Variants in NFIC observed in about 807,000 individuals in gnomAD.
NFIC encodes the protein nuclear factor 1 C-type.
In NFIC, 12 loss-of-function variants were observed where a neutral mutation model predicts 54.4. The observed-to-expected ratio is 0.22, with a 90% CI of 0.14 to 0.36. The LOEUF (loss-of-function observed/expected upper bound fraction) is 0.36. NFIC is among the 10% of genes least tolerant of loss of function. The pLI is 1.00. For synonymous variants in NFIC, 322 were observed against 319.2 expected (o/e 1.01, Z -0.09); for missense variants, 575 against 718.2 (o/e 0.80, Z 2.28).
intron 3 of NFIC, 147 bp from the exon 4 acceptor site, chr19:3,433,371 C>G (rs1438150413): frequency 1.3e-5 from 10 of 761,604 alleles, no homozygotes; most frequent in Non-Finnish European, 2.2e-5. Flanking sequence ...CCCCATCAGA[C>G]TGGAGCTGTC....
At chr19:3,426,812 T>TG (rs1164824938) in intron 3 of NFIC, among the ~76,000 whole-genome samples, 5 of 152,108 alleles carry the variant, frequency 3.3e-5, no homozygotes, top group African/African-American at 2.4e-5. Flanking sequence ...AACAGCCAAC[T>TG]AACTGCTCGC....
intron 3 of NFIC, among the ~76,000 whole-genome samples, chr19:3,427,921 G>C (rs1486600695): frequency 6.6e-6 from 1 of 152,018 alleles, no homozygotes; most frequent in East Asian, 1.9e-4. Flanking sequence ...TGTAATCCCA[G>C]CACTTTGGGG....
chr19:3,430,239 CCTTT>C (rs961127409), intron 3 of NFIC, among the ~76,000 whole-genome samples: 9 of 151,098 alleles, frequency 6.0e-5, no homozygotes, highest in Middle Eastern at 3.2e-3. Flanking sequence ...AATTCCAGAA[CCTTT>C]CTTTTTTTTT....
At chr19:3,374,994 G>C (rs1030246298) in intron 1 of NFIC, among the ~76,000 whole-genome samples, 7 of 151,884 alleles carry the variant, frequency 4.6e-5, no homozygotes, top group Non-Finnish European at 1.0e-4. Flanking sequence ...ACCTGTCCCC[G>C]GAAAGGGCAC....
chr19:3,424,996 C>T, intron 2 of NFIC, 110 bp from the exon 3 acceptor site: 2 of 1,126,020 alleles, frequency 1.8e-6, no homozygotes, highest in Admixed American at 2.3e-5. Context: ...CACTGTTTGT[C>T]TCCATAGCAC....
At chr19:3,450,497 A>G (rs1191396059) in intron 7 of NFIC, among the ~76,000 whole-genome samples, 2 of 151,674 alleles carry the variant, frequency 1.3e-5, no homozygotes, top group Non-Finnish European at 2.9e-5. Context: ...TTCTACTAAA[A>G]TACAAAAATT....
At chr19:3,460,601 C>T (rs1198259475) in intron 10 of NFIC, among the ~76,000 whole-genome samples, 1 of 152,112 alleles carries the variant, frequency 6.6e-6, no homozygotes, top group Non-Finnish European at 1.5e-5. Context: ...ACAACCTCCG[C>T]CCCCTGGATT....
intron 2 of NFIC, among the ~76,000 whole-genome samples, chr19:3,413,793 C>T (rs35420062): frequency 0.012 from 1,804 of 152,110 alleles, 19 homozygotes; most frequent in Non-Finnish European, 0.022. Flanking sequence ...CGCACCACCA[C>T]GCCAGGCTAG....
At chr19:3,461,922 C>T (rs1337058273) in intron 10 of NFIC, among the ~76,000 whole-genome samples, 9 of 150,554 alleles carry the variant, frequency 6.0e-5, no homozygotes, top group African/African-American at 2.2e-4. Context: ...AGTGTGGTGG[C>T]ATGCGCCTGT....
intron 1 of NFIC, among the ~76,000 whole-genome samples, chr19:3,372,741 G>C (rs1271634320): frequency 6.6e-6 from 1 of 150,546 alleles, no homozygotes; most frequent in Non-Finnish European, 1.5e-5. Context: ...CCAGGGACCA[G>C]TCCCAGCTCA....
intron 3 of NFIC, among the ~76,000 whole-genome samples, chr19:3,425,962 T>C (rs1351830733): frequency 8.8e-6 from 1 of 114,084 alleles, no homozygotes; most frequent in African/African-American, 3.4e-5. Context: ...TGAGATGGAG[T>C]ATCACTCTGT....
rs1396171934 is a variant in NFIC at position 3,375,776 on chromosome 19, C to T, written c.31-5936C>T. 6.6e-6 allele frequency among the ~76,000 whole-genome samples: 1 copy of T among 152,138 alleles called. No individual in the cohort carries two copies. Among genetic ancestry groups the T allele is most frequent in the Admixed American group, 6.6e-5 (1 of 15,266 alleles). On this transcript the variant is annotated intron_variant, in intron 1 of 10. Coordinates refer to ENST00000443272, the MANE Select transcript of NFIC (RefSeq NM_001245002.2). The surrounding 1 kb of genome is among the most constrained non-coding windows in gnomAD (Gnocchi z 4.6). ...GAAGCACCCCACGGCCGGAGGTGGC[C>T]CAAGGGGACGTGGAGCACAGAGCAG...
At chr19:3,408,000 G>A (rs1274395788) in intron 2 of NFIC, among the ~76,000 whole-genome samples, 1 of 152,202 alleles carries the variant, frequency 6.6e-6, no homozygotes, top group African/African-American at 2.4e-5. Context: ...TTTAAAAATG[G>A]CCGGTGACAC....
rs2082664081 is a variant in NFIC, at chr19:3,463,028, ACT to A, written c.*263_*264del. On this transcript the variant is annotated 3_prime_UTR_variant, in exon 11 of 11. Transcript: ENST00000443272. ...AAAAGGTAAAGACGCAACGTTTCCA[ACT>A]CTCGGGACGCCAAGGCCGCAGGACT... The A allele has an allele frequency of 7.4e-7, 1 of 1,343,272 alleles. No homozygotes were observed. Among genetic ancestry groups the A allele is most frequent in the Non-Finnish European group, 9.5e-7 (1 of 1,050,876 alleles). The allele number at this position is 1,343,272 out of a possible 1,614,324, so 83.2% of individuals were successfully genotyped here. A position where few individuals can be genotyped will look rare whatever the true frequency, so the allele number is the denominator to read the frequency against.
chr19:3,417,940 C>CTTTT (rs1219242377), intron 2 of NFIC, among the ~76,000 whole-genome samples: 2 of 2,578 alleles, frequency 7.8e-4, no homozygotes, highest in Non-Finnish European at 2.0e-3. Context: ...GCCCGGCCAC[C>CTTTT]TCTGGAAGCA....
chr19:3,382,611 C>G (rs148937978), intron 2 of NFIC, among the ~76,000 whole-genome samples: 2 of 150,776 alleles, frequency 1.3e-5, no homozygotes, highest in African/African-American at 4.9e-5. Context: ...TGACATGGTG[C>G]AAGGAGGGTC....
chr19:3,386,681 G>A (rs556247808), intron 2 of NFIC, among the ~76,000 whole-genome samples: 18 of 152,262 alleles, frequency 1.2e-4, no homozygotes, highest in Admixed American at 3.3e-4. Flanking sequence ...TTGACCTGCC[G>A]TGGTCACACA....
chr19:3,393,326 G>T (rs965987454), intron 2 of NFIC, among the ~76,000 whole-genome samples: 1 of 152,074 alleles, frequency 6.6e-6, no homozygotes, highest in South Asian at 2.1e-4. Context: ...AAGATCTGCC[G>T]GAGGAGAGGG....
chr19:3,459,022 G>T lies in NFIC; in HGVS notation c.1509+2387G>T, dbSNP rs1030900819. ...ACCTCCCTGCAGACCCCGGAGAGAG[G>T]GAGGGAAGAAGCAGTGAGATCCCGC... On this transcript the variant is annotated intron_variant, in intron 10 of 10. Coordinates refer to ENST00000443272, the MANE Select transcript of NFIC (RefSeq NM_001245002.2). This position sits in a 1 kb window ranked among gnomAD's most constrained non-coding sequence, Gnocchi z 4.2. 6.6e-6 allele frequency among the ~76,000 whole-genome samples: 1 copy of T among 152,052 alleles called. No homozygotes were observed. The highest frequency in any genetic ancestry group is 2.4e-5 in the African/African-American group (1 of 41,376).
Sources: allele counts gnomAD v4.1 joint callset (sites outside exome capture counted in the v4.1 genomes callset), GRCh38; gene constraint gnomAD v4.1.1; non-coding constraint Gnocchi (gnomAD v3.1); transcripts MANE v1.5; gene names NCBI Gene and HGNC (gene_info 2026-07-23, HGNC 2026-07-21).